CERS5: variants seen among roughly 807,000 people sequenced by gnomAD.
The protein encoded by CERS5 is ceramide synthase 5.
A neutral mutation model predicts 58.9 loss-of-function variants in CERS5; 37 were observed. The observed-to-expected ratio is 0.63, with a 90% CI of 0.48 to 0.83. The LOEUF is 0.83. Ranked by LOEUF, CERS5 falls within the 40% of genes least tolerant of loss-of-function variation. CERS5 has a pLI of 0.00. For missense variants in CERS5, 398 were observed against 489.3 expected (o/e 0.81, Z 1.76); for synonymous variants, 147 against 177.8 (o/e 0.83, Z 1.38).
At chr12:50,143,033 A>G in intron 3 of CERS5, 41 bp downstream of exon 3, 1 of 1,558,314 alleles carries the variant, frequency 6.4e-7, no homozygotes, top group Non-Finnish European at 8.7e-7. Flanking sequence ...GTTGTATCCC[A>G]CCGTCTTCCT....
chr12:50,154,824 C>T (rs1938384255), intron 1 of CERS5, among the ~76,000 whole-genome samples: 1 of 152,036 alleles, frequency 6.6e-6, no homozygotes, highest in African/African-American at 2.4e-5. Flanking sequence ...ACCCCTGCAC[C>T]TGGCCTGTTG....
rs57651378 is a variant in CERS5 at position 50,140,284 on chromosome 12, A to ATTTTTTTTTTTTTTTTTTTTT, written c.493-1688_493-1668dup. On this transcript the variant is annotated intron_variant, in intron 4 of 9. Transcript: ENST00000317551. ...TTGAGAAGAGTTGTTTAACTTCCAA[A>ATTTTTTTTTTTTTTTTTTTTT]TTTTTTTTTTTTTTTTTTTTTTTTT... Among the ~76,000 whole-genome samples the ATTTTTTTTTTTTTTTTTTTTT allele has an allele frequency of 4.2e-4, 40 of 96,242 alleles. 3 individuals are homozygous for ATTTTTTTTTTTTTTTTTTTTT. The highest frequency in any genetic ancestry group is 1.7e-3 in the African/African-American group (39 of 22,344). 63.1% of individuals were successfully genotyped at this position (96,242 alleles called of 152,430 possible).
At chr12:50,130,969 A>AGAAC (rs1951286301) in intron 9 of CERS5, among the ~76,000 whole-genome samples, 1 of 152,184 alleles carries the variant, frequency 6.6e-6, no homozygotes, top group Non-Finnish European at 1.5e-5. Context: ...GAGAACTGAC[A>AGAAC]TCATTCACTG....
chr12:50,144,686 G>T, intron 1 of CERS5: 2 of 722,008 alleles, frequency 2.8e-6, no homozygotes, highest in South Asian at 1.9e-5. Context: ...AGCTAGGAAA[G>T]GTGAGAAGGA....
At chr12:50,153,268 G>GTTTTT (rs1938174570) in intron 1 of CERS5, among the ~76,000 whole-genome samples, 13 of 72,674 alleles carry the variant, frequency 1.8e-4, no homozygotes, top group South Asian at 4.6e-4. Context: ...AAACTAATAT[G>GTTTTT]ATTTTTTTTT....
chr12:50,153,342 T>G (rs1219438216), intron 1 of CERS5, among the ~76,000 whole-genome samples: 1 of 136,362 alleles, frequency 7.3e-6, no homozygotes, highest in Non-Finnish European at 1.6e-5. Flanking sequence ...TCCCGTGGCA[T>G]GATCTTGGCT....
rs1952121519 is a variant in CERS5, at chr12:50,143,966, T to G, written c.289A>C (p.Ile97Leu). ...TGCCCACTTACCTTGGTAATAGATA[T>G]GAACACCTTTTCAAGGATGGCATTG... ...QPNAILEKVFISITKYPDKKR... is the reference protein window; with the variant it reads ...QPNAILEKVFLSITKYPDKKR... Residue 97 changes from isoleucine to leucine, a missense_variant, in exon 2 of 10, where the codon ATA becomes CTA. By Grantham distance (5) the Ile-to-Leu change is conservative. Around this residue, in one of 3 missense-constraint regions of CERS5, gnomAD observed 328 missense variants for 384.5 expected, o/e 0.85. Coordinates refer to ENST00000317551, the MANE Select transcript of CERS5 (RefSeq NM_147190.5). 2 of 1,603,064 alleles carry G rather than the reference T, an allele frequency of 1.2e-6. No homozygotes were observed. The highest frequency in any genetic ancestry group is 1.7e-6 in the Non-Finnish European group (2 of 1,170,102).
intron 1 of CERS5, among the ~76,000 whole-genome samples, chr12:50,161,265 C>T (rs1939234693): frequency 6.6e-6 from 1 of 152,092 alleles, no homozygotes; most frequent in South Asian, 2.1e-4. Context: ...TCCAAGTCAT[C>T]CCCATCAGGT....
chr12:50,137,295 A>G (rs1046360351), intron 6 of CERS5, among the ~76,000 whole-genome samples: 3 of 152,126 alleles, frequency 2.0e-5, no homozygotes, highest in African/African-American at 7.2e-5. Flanking sequence ...ACCCCTTCCA[A>G]TTGACTTTCT....
intron 1 of CERS5, chr12:50,166,046 G>T (rs1308648574): frequency 2.4e-6 from 1 of 421,302 alleles, no homozygotes; most frequent in African/African-American, 2.1e-5. Context: ...CTCAAGGCCG[G>T]GTGCGGTGGC....
intron 1 of CERS5, among the ~76,000 whole-genome samples, chr12:50,145,672 A>T (rs866669263): frequency 7.9e-6 from 1 of 126,012 alleles, no homozygotes; most frequent in East Asian, 2.3e-4. Context: ...GTGGGGGGGA[A>T]AAAAAAAATA....
chr12:50,146,862 A>G (rs1232577393), intron 1 of CERS5, among the ~76,000 whole-genome samples: 2 of 151,848 alleles, frequency 1.3e-5, no homozygotes, highest in Admixed American at 6.6e-5. Flanking sequence ...AAAAAAAAAA[A>G]AAAGAACATT....
In CERS5 at chr12:50,167,347, C is replaced by A. The variant is rs1003816757; in HGVS notation, c.-50G>T. 2.7e-6 allele frequency: 4 copies of A among 1,459,360 alleles called. No homozygotes were observed. The Admixed American group carries it at 1.1e-4, about 39-fold the overall frequency. The allele number at this position is 1,459,360 out of a possible 1,614,324, so 90.4% of individuals were successfully genotyped here. ...CCGCCACAAGCGTCAGCTGCCGCCACAGCCAACGGAACCCGCGGGGAGGCG... is the reference window on the plus strand; with the variant it reads ...CCGCCACAAGCGTCAGCTGCCGCCAAAGCCAACGGAACCCGCGGGGAGGCG... On this transcript the variant is annotated 5_prime_UTR_variant, in exon 1 of 10. Transcript: ENST00000317551.
intron 8 of CERS5, chr12:50,134,914 C>A (rs1333416069): frequency 1.8e-6 from 1 of 565,344 alleles, no homozygotes; most frequent in Non-Finnish European, 3.1e-6. Context: ...ATATATAAAT[C>A]TTAGGAACTG....
At position 50,148,944 on chromosome 12, in the gene CERS5, A is replaced by G. The variant is rs56273606; in HGVS notation, c.198-4887T>C. On this transcript the variant is annotated intron_variant, in intron 1 of 9. Coordinates refer to ENST00000317551, the MANE Select transcript of CERS5 (RefSeq NM_147190.5). ...AAAAAAAAAATATATATATATATAT[A>G]TATGTGTGTGTGTGTGTGTGTGTGT... 4.9e-3 allele frequency among the ~76,000 whole-genome samples: 593 copies of G among 121,176 alleles called. 7 individuals are homozygous for G. The highest frequency in any genetic ancestry group is 0.019 in the African/African-American group (572 of 30,216). The allele number at this position is 121,176 out of a possible 152,430, so 79.5% of individuals were successfully genotyped here. A position where few individuals can be genotyped will look rare whatever the true frequency, so the allele number is the denominator to read the frequency against.
At chr12:50,139,794 G>GACAA (rs989024357) in intron 4 of CERS5, among the ~76,000 whole-genome samples, 2 of 152,072 alleles carry the variant, frequency 1.3e-5, no homozygotes, top group African/African-American at 2.4e-5. Flanking sequence ...CTCTGTCTCA[G>GACAA]ACAAACAAAC....
chr12:50,166,831 G>GA (rs1332609371), intron 1 of CERS5, among the ~76,000 whole-genome samples: 2 of 152,016 alleles, frequency 1.3e-5, no homozygotes, highest in East Asian at 3.9e-4. Context: ...AGGCCTATAT[G>GA]ACCCCCCCAA....
chr12:50,161,818 A>C (rs1222704698), intron 1 of CERS5, among the ~76,000 whole-genome samples: 2 of 149,162 alleles, frequency 1.3e-5, no homozygotes, highest in Non-Finnish European at 3.0e-5. Context: ...TCAAGTTAAA[A>C]GGATAATGTT....
chr12:50,161,189 A>G (rs1939230521), intron 1 of CERS5, among the ~76,000 whole-genome samples: 1 of 152,200 alleles, frequency 6.6e-6, no homozygotes, highest in Non-Finnish European at 1.5e-5. Flanking sequence ...TTGGTGGGTA[A>G]TAATCACCTT....
Sources: allele counts gnomAD v4.1 joint callset (sites outside exome capture counted in the v4.1 genomes callset), GRCh38; gene constraint gnomAD v4.1.1; regional missense constraint gnomAD v4.1.1; transcripts MANE v1.5; gene names NCBI Gene and HGNC (gene_info 2026-07-23, HGNC 2026-07-21).